Variants in USP35 observed in about 807,000 individuals in gnomAD.
The protein encoded by USP35 is ubiquitin specific peptidase 35.
Under a neutral mutation model 83.8 loss-of-function variants are expected in USP35, and 69 were observed. That is an observed-to-expected ratio of 0.82 (90% CI 0.68 to 1.01). The LOEUF (loss-of-function observed/expected upper bound fraction) is 1.01, where lower values mean the gene tolerates loss of function less well. Among genes scored for constraint, USP35 ranks in the 50% least tolerant of loss-of-function variants. The pLI is 0.00. For synonymous variants in USP35, 714 were observed against 589.5 expected (o/e 1.21, Z -3.06); for missense variants, 1,503 against 1,362.5 (o/e 1.10, Z -1.62).
chr11:78,191,689 C>T (rs1007012478), intron 1 of USP35, among the ~76,000 whole-genome samples: 27 of 151,992 alleles, frequency 1.8e-4, no homozygotes, highest in African/African-American at 3.1e-4. Context: ...CTGGGAACAC[C>T]GAAGTGGCAG....
chr11:78,226,621 G>A, the USP35 span: 1 of 1,612,848 alleles, frequency 6.2e-7, no homozygotes, highest in African/African-American at 1.3e-5. Flanking sequence ...CGGGGTGGGG[G>A]AGCTATGGCT....
rs770449910 is a variant in USP35, at chr11:78,209,780, G to A, written c.1925G>A (p.Arg642Lys). The A allele has an allele frequency of 6.2e-7, 1 of 1,614,032 alleles. No individual in the cohort carries two copies. The highest frequency in any genetic ancestry group is 1.1e-5 in the South Asian group (1 of 91,080). Residue 642 changes from arginine (R) to lysine (K), a missense_variant, in exon 10 of 11, where the codon AGG (arginine) becomes AAG (lysine). By Grantham distance (26) the Arg-to-Lys change is conservative (BLOSUM62 2). Transcript: ENST00000529308. ...GGGCCAGGCAGGGTGGGTCCTCGGAGGCAAAGGAAACACTGCATCACAGAG... is the reference window on the plus strand; with the variant it reads ...GGGCCAGGCAGGGTGGGTCCTCGGAAGCAAAGGAAACACTGCATCACAGAG... Reference protein sequence around the residue: ...AQGPGRVGPRRQRKHCITEDT... With the variant: ...AQGPGRVGPRKQRKHCITEDT...
chr11:78,198,750 C>T lies in USP35; in HGVS notation c.806+682C>T, dbSNP rs1863234649. ...TGCTAGAGGTCAAATCCCGCCTCTACCACTTCTTGCCTGTGCGACCTTGGA... is the reference window on the plus strand; with the variant it reads ...TGCTAGAGGTCAAATCCCGCCTCTATCACTTCTTGCCTGTGCGACCTTGGA... On this transcript the variant is annotated intron_variant, in intron 3 of 10. Transcript: ENST00000529308. 13 of 955,050 alleles carry T rather than the reference C, an allele frequency of 1.4e-5. No homozygotes were observed. The South Asian group carries it at 6.3e-4, about 46-fold the overall frequency. The allele number at this position is 955,050 out of a possible 1,614,324, so 59.2% of individuals were successfully genotyped here.
chr11:78,224,575 T>C, the USP35 span, among the ~76,000 whole-genome samples: 2 of 152,204 alleles, frequency 1.3e-5, no homozygotes, highest in African/African-American at 4.8e-5. Context: ...CTAAGCTGCT[T>C]CTGCCTTGGT....
chr11:78,218,789 T>C (rs999195897), downstream of USP35: 1 of 154,730 alleles, frequency 6.5e-6, no homozygotes, highest in Non-Finnish European at 1.4e-5. Context: ...AAAAGTCCAT[T>C]ATCCACTTTG....
In USP35 at chr11:78,213,760, G is replaced by A; in HGVS notation, c.3004G>A (p.Gly1002Ser). The A allele has an allele frequency of 6.5e-7, 1 of 1,545,474 alleles. No individual in the cohort carries two copies. The highest frequency in any genetic ancestry group is 8.7e-7 in the Non-Finnish European group (1 of 1,154,882). ...GGATGAGGATGAAGGCTCTCCAGGG[G>A]GCTGCAATCCTGCAGGTGGCAATGG... is the stretch of plus-strand genomic sequence containing the variant. ...DKDEDEGSPG[G>S]CNPAGGNGGD... Residue 1002 changes from glycine to serine, a missense_variant, in exon 11 of 11, where the codon GGC becomes AGC. By Grantham distance (56) the Gly-to-Ser change is moderately conservative. Transcript: ENST00000529308.
Position 78,202,560 on chromosome 11 carries a change from C to T in USP35, c.1197+1752C>T, listed in dbSNP as rs183628386. Among the ~76,000 whole-genome samples, 298 of 152,220 alleles carry T rather than the reference C, an allele frequency of 2.0e-3. 1 individual carries two copies. The highest frequency in any genetic ancestry group is 7.0e-3 in the African/African-American group (290 of 41,532). On this transcript the variant is annotated intron_variant, in intron 6 of 10. Transcript: ENST00000529308. ...TCTACTGAAAATGAGTTTATAGTCCCAAAATTATAAAACACACAAAGGAAC... is the reference window on the plus strand; with the variant it reads ...TCTACTGAAAATGAGTTTATAGTCCTAAAATTATAAAACACACAAAGGAAC...
In USP35 at chr11:78,196,253, A is replaced by G; in HGVS notation, c.8A>G (p.Lys3Arg). 1 of 1,592,830 alleles carries G rather than the reference A, an allele frequency of 6.3e-7. No individual in the cohort carries two copies. The highest frequency in any genetic ancestry group is 8.5e-7 in the Non-Finnish European group (1 of 1,176,496). Residue 3 changes from lysine (K) to arginine (R), a missense_variant, in exon 2 of 11, where the codon AAG (lysine) becomes AGG (arginine). Lys to Arg is a conservative substitution (Grantham distance 26). Coordinates refer to ENST00000529308, the MANE Select transcript of USP35 (RefSeq NM_020798.4). The surrounding 1 kb of genome is among the most constrained non-coding windows in gnomAD (Gnocchi z 4.8). ...CTCCGCAGCGCGGGCGCCATGGACA[A>G]GATCTTGGAGGCGGTGGTGACGTCG... MD[K>R]ILEAVVTSSY...
At chr11:78,227,132 C>T in the USP35 span, 1 of 960,304 alleles carries the variant, frequency 1.0e-6, no homozygotes. Context: ...CTTTCTCTTT[C>T]TATACTTTGG....
intron 8 of USP35, 56 bp downstream of exon 8, chr11:78,207,679 C>G (rs777092152): frequency 1.8e-5 from 27 of 1,539,128 alleles, no homozygotes; most frequent in African/African-American, 2.7e-5. Flanking sequence ...CAGGCCCCGA[C>G]ATGGACACCT....
intron 8 of USP35, 70 bp downstream of exon 8, chr11:78,207,693 C>T (rs1863575234): frequency 6.7e-7 from 1 of 1,485,276 alleles, no homozygotes; most frequent in Non-Finnish European, 9.3e-7. Context: ...GACACCTTTC[C>T]CTTCCCCAGG....
Position 78,196,753 on chromosome 11 carries a change from C to T in USP35, c.508C>T (p.Arg170Cys). The T allele has an allele frequency of 6.5e-7, 1 of 1,532,292 alleles. No homozygotes were observed. Among genetic ancestry groups the T allele is most frequent in the Non-Finnish European group, 8.7e-7 (1 of 1,145,414 alleles). The allele number at this position is 1,532,292 out of a possible 1,614,324, so 94.9% of individuals were successfully genotyped here. ...HRLLFCQQLV[R>C]CLGRFRCPAE... ...CCTGCTCTTCTGCCAGCAGCTGGTG[C>T]GTTGCCTCGGCCGCTTCCGCTGCCC... is the stretch of plus-strand genomic sequence containing the variant. Residue 170 changes from arginine to cysteine, a missense_variant, in exon 2 of 11, where the codon CGT (arginine) becomes TGT (cysteine). Arg to Cys is a radical substitution (Grantham distance 180, BLOSUM62 -3). Coordinates refer to ENST00000529308, the MANE Select transcript of USP35 (RefSeq NM_020798.4). This position sits in a 1 kb window ranked among gnomAD's most constrained non-coding sequence, Gnocchi z 4.8.
At chr11:78,232,127 GGTCA>G in the USP35 span, among the ~76,000 whole-genome samples, 1 of 152,198 alleles carries the variant, frequency 6.6e-6, no homozygotes, top group African/African-American at 2.4e-5. Context: ...TTTTGCCTTT[GGTCA>G]GTCAATCAAA....
chr11:78,220,251 G>C, the USP35 span: 4 of 1,567,882 alleles, frequency 2.6e-6, no homozygotes, highest in Non-Finnish European at 3.5e-6. Flanking sequence ...AAGGCACCCT[G>C]GCCTCCATGA....
At chr11:78,220,145 G>A (rs1045244202), downstream of USP35, among the ~76,000 whole-genome samples, 1 of 151,882 alleles carries the variant, frequency 6.6e-6, no homozygotes, top group South Asian at 2.1e-4. Context: ...AGGAATAGGA[G>A]TCTTTAGACC....
In USP35 at chr11:78,196,188, T is replaced by A. The variant is rs968719990; in HGVS notation, c.-10-48T>A. 7 of 1,529,092 alleles carry A rather than the reference T, an allele frequency of 4.6e-6. No individual in the cohort carries two copies. The highest frequency in any genetic ancestry group is 2.9e-5 in the African/African-American group (2 of 69,836). 94.7% of individuals were successfully genotyped at this position (1,529,092 alleles called of 1,614,324 possible). On this transcript the variant is annotated intron_variant, in intron 1 of 10. Coordinates refer to ENST00000529308, the MANE Select transcript of USP35 (RefSeq NM_020798.4). The surrounding 1 kb of genome is among the most constrained non-coding windows in gnomAD (Gnocchi z 4.8). ...ACTCGGGGACTGCACCGGGAACTCT[T>A]GAGCCCCGCGGTTGTCGGGCTGTGA... is the stretch of plus-strand genomic sequence containing the variant.
chr11:78,226,271 C>A, the USP35 span, among the ~76,000 whole-genome samples: 1 of 152,178 alleles, frequency 6.6e-6, no homozygotes, highest in Non-Finnish European at 1.5e-5. Flanking sequence ...TAGACAACTA[C>A]TACTAACAGC....
intron 10 of USP35, among the ~76,000 whole-genome samples, 178 bp downstream of exon 10, chr11:78,210,922 C>T (rs1863747304): frequency 6.6e-6 from 1 of 152,204 alleles, no homozygotes. Context: ...TTCAAAGTAA[C>T]AGACACTGAG....
chr11:78,199,501 G>A (rs1863268866), intron 3 of USP35, 94 bp from the exon 4 acceptor site: 1 of 1,561,954 alleles, frequency 6.4e-7, no homozygotes, highest in African/African-American at 1.4e-5. Context: ...AGTCAATGTG[G>A]GAACCCAGGA....
Sources: gnomAD v4.1 joint callset for allele counts (sites outside exome capture counted in the v4.1 genomes callset) on GRCh38, gnomAD v4.1.1 for gene constraint, Gnocchi (gnomAD v3.1) non-coding constraint, MANE v1.5 for transcripts, NCBI Gene and HGNC (gene_info 2026-07-23, HGNC 2026-07-21) for gene names.